The following TAS2R1 variants were observed in gnomAD, a reference collection of about 807,000 sequenced individuals.
The protein encoded by TAS2R1 is taste 2 receptor member 1.
For synonymous variants in TAS2R1, 141 were observed against 134.2 expected (o/e 1.05, Z -0.35); for missense variants, 370 against 353.4 (o/e 1.05, Z -0.38).
chr5:9,718,750 C>G, the TAS2R1 span, among the ~76,000 whole-genome samples: 2 of 152,140 alleles, frequency 1.3e-5, no homozygotes, highest in African/African-American at 4.8e-5. Context: ...GAAGGGATGA[C>G]AGAGGACACA....
At chr5:9,866,019 C>A in the TAS2R1 span, among the ~76,000 whole-genome samples, 3,627 of 152,174 alleles carry the variant, frequency 0.024, 114 homozygotes, top group African/African-American at 0.075. Context: ...TACAATTATA[C>A]CTGAAATTCA....
At chr5:9,869,088 A>G in the TAS2R1 span, among the ~76,000 whole-genome samples, 1 of 151,816 alleles carries the variant, frequency 6.6e-6, no homozygotes, top group Admixed American at 6.6e-5. Context: ...ACTTTCCCAC[A>G]TTTTCCTATC....
chr5:9,661,041 C>T (rs533320044), intron 1 of TAS2R1, among the ~76,000 whole-genome samples: 1 of 152,292 alleles, frequency 6.6e-6, no homozygotes, highest in Non-Finnish European at 1.5e-5. Flanking sequence ...CCAACATCTT[C>T]ATTTCAGGTT....
the TAS2R1 span, among the ~76,000 whole-genome samples, chr5:9,778,840 A>C: frequency 6.6e-6 from 1 of 152,306 alleles, no homozygotes; most frequent in East Asian, 1.9e-4. Flanking sequence ...AACTTTCTCC[A>C]TGTCAGCAAT....
intron 1 of TAS2R1, among the ~76,000 whole-genome samples, chr5:9,665,373 C>T (rs929252427): frequency 6.6e-6 from 1 of 152,246 alleles, no homozygotes; most frequent in Non-Finnish European, 1.5e-5. Context: ...TACAAAGTCT[C>T]TTTTCCATGT....
chr5:9,876,743 G>A, the TAS2R1 span, among the ~76,000 whole-genome samples: 37 of 152,094 alleles, frequency 2.4e-4, no homozygotes, highest in Non-Finnish European at 4.3e-4. Context: ...TTATGAATAC[G>A]ACTTCCCAGG....
At chr5:9,901,005 G>A in the TAS2R1 span, among the ~76,000 whole-genome samples, 2,205 of 152,218 alleles carry the variant, frequency 0.014, 21 homozygotes, top group Middle Eastern at 0.031. Context: ...AGTCGTCCTC[G>A]GAGGACACAA....
chr5:9,808,646 T>A, the TAS2R1 span, among the ~76,000 whole-genome samples: 1 of 151,972 alleles, frequency 6.6e-6, no homozygotes, highest in African/African-American at 2.4e-5. Context: ...CTTTGACAAG[T>A]AGTATGAAAA....
the TAS2R1 span, among the ~76,000 whole-genome samples, chr5:9,777,180 TC>T: frequency 6.6e-6 from 1 of 152,336 alleles, no homozygotes; most frequent in East Asian, 1.9e-4. Flanking sequence ...ATTGACTCTC[TC>T]TTTCATGAAA....
chr5:9,857,984 A>T, the TAS2R1 span, among the ~76,000 whole-genome samples: 1 of 151,726 alleles, frequency 6.6e-6, no homozygotes, highest in South Asian at 2.1e-4. Context: ...CATGGGGGGT[A>T]TTCTAGGGCT....
the TAS2R1 span, among the ~76,000 whole-genome samples, chr5:9,718,871 GTATTAAAAAAAAA>G: frequency 6.6e-6 from 1 of 151,036 alleles, no homozygotes; most frequent in South Asian, 2.1e-4. Flanking sequence ...AGGGGCTACT[GTATTAAAAAAAAA>G]AATCAATGTC....
chr5:9,734,227 T>A, the TAS2R1 span, among the ~76,000 whole-genome samples: 1 of 152,208 alleles, frequency 6.6e-6, no homozygotes, highest in Admixed American at 6.5e-5. Flanking sequence ...CACCTTGATA[T>A]CAGACTTCAC....
At chr5:9,709,394 C>A (rs1203471893) in intron 1 of TAS2R1, among the ~76,000 whole-genome samples, 1 of 152,092 alleles carries the variant, frequency 6.6e-6, no homozygotes, top group African/African-American at 2.4e-5. Flanking sequence ...AAGGTCCCTG[C>A]CTCAAATCTA....
At chr5:9,709,822 A>C (rs575256734) in intron 1 of TAS2R1, among the ~76,000 whole-genome samples, 36 of 152,282 alleles carry the variant, frequency 2.4e-4, no homozygotes, top group Non-Finnish European at 4.6e-4. Flanking sequence ...CTGCTCCCTA[A>C]TTCCTTACCC....
chr5:9,793,813 G>T, the TAS2R1 span, among the ~76,000 whole-genome samples: 1 of 152,084 alleles, frequency 6.6e-6, no homozygotes, highest in Non-Finnish European at 1.5e-5. Flanking sequence ...GGACAGTGAG[G>T]CCTGGAGAAG....
chr5:9,894,696 A>G, the TAS2R1 span, among the ~76,000 whole-genome samples: 1 of 152,246 alleles, frequency 6.6e-6, no homozygotes, highest in Non-Finnish European at 1.5e-5. Flanking sequence ...GGTCACCTAG[A>G]GATGCTAAGG....
At chr5:9,718,716 T>A in the TAS2R1 span, among the ~76,000 whole-genome samples, 1 of 152,240 alleles carries the variant, frequency 6.6e-6, no homozygotes. Flanking sequence ...ACCACCCATG[T>A]GAAGGACATA....
chr5:9,780,696 C>T, the TAS2R1 span, among the ~76,000 whole-genome samples: 12 of 123,776 alleles, frequency 9.7e-5, no homozygotes, highest in East Asian at 3.0e-4. Flanking sequence ...TGTGTGCGCG[C>T]GCGCGCGCAT....
At chr5:9,779,317 C>T in the TAS2R1 span, among the ~76,000 whole-genome samples, 3 of 152,196 alleles carry the variant, frequency 2.0e-5, no homozygotes, top group Non-Finnish European at 1.5e-5. Context: ...CAGTGTCATG[C>T]TTCCTATACA....
Sources: allele counts gnomAD v4.1 joint callset (sites outside exome capture counted in the v4.1 genomes callset), GRCh38; gene constraint gnomAD v4.1.1; transcripts MANE v1.5; gene names NCBI Gene and HGNC (gene_info 2026-07-23, HGNC 2026-07-21).